Variants in FRMD3 observed in about 807,000 individuals in gnomAD.
The protein encoded by FRMD3 is FERM domain containing 3.
A neutral mutation model predicts 70.2 loss-of-function variants in FRMD3; 33 were observed. The observed-to-expected ratio is 0.47, with a 90% confidence interval of 0.36 to 0.63. The LOEUF is 0.63. Ranked by LOEUF, FRMD3 falls within the 20% of genes least tolerant of loss-of-function variation. The pLI is 0.00. For missense variants in FRMD3, 632 were observed against 711.4 expected (o/e 0.89, Z 1.27); for synonymous variants, 279 against 255.9 (o/e 1.09, Z -0.86).
At chr9:83,343,103 T>G in intron 5 of FRMD3, 87 bp downstream of exon 5, 8 of 929,544 alleles carry the variant, frequency 8.6e-6, no homozygotes, top group Non-Finnish European at 1.4e-5. Flanking sequence ...ACAGGCAGGA[T>G]GGCCACGGGT....
the FRMD3 span, among the ~76,000 whole-genome samples, chr9:83,570,504 T>G: frequency 6.6e-6 from 1 of 152,202 alleles, no homozygotes; most frequent in Non-Finnish European, 1.5e-5. Flanking sequence ...AATAATGCAA[T>G]GAGTACAAAG....
At chr9:83,468,618 C>G (rs1376882667) in intron 1 of FRMD3, among the ~76,000 whole-genome samples, 1 of 152,218 alleles carries the variant, frequency 6.6e-6, no homozygotes, top group Non-Finnish European at 1.5e-5. Flanking sequence ...TCAGCTCTGT[C>G]ACTGGCTATG....
Position 83,245,035 on chromosome 9 carries a change from A to AATT in FRMD3, c.*2880_*2882dup. 1.0e-6 allele frequency: 1 copy of AATT among 985,346 alleles called. No individual in the cohort carries two copies. Among genetic ancestry groups the AATT allele is most frequent in the Non-Finnish European group, 1.2e-6 (1 of 829,868 alleles). The allele number at this position is 985,346 out of a possible 1,614,324, so 61.0% of individuals were successfully genotyped here. The stretch of plus-strand genomic sequence containing the variant: ...TGTACACTCAGTGGCATTTATGGAA[A>AATT]ATTTAACCCTTTCAGGCTGTGGGTT... On this transcript the variant is annotated 3_prime_UTR_variant, in exon 14 of 14. Coordinates refer to ENST00000304195, the MANE Select transcript of FRMD3 (RefSeq NM_174938.6).
intron 1 of FRMD3, among the ~76,000 whole-genome samples, chr9:83,422,845 A>C (rs1587838402): frequency 6.6e-6 from 1 of 152,250 alleles, no homozygotes; most frequent in Non-Finnish European, 1.5e-5. Flanking sequence ...AAAATAAAGG[A>C]GTCTTAAAGT....
chr9:83,262,935 C>T (rs1395494282), intron 13 of FRMD3, among the ~76,000 whole-genome samples: 1 of 152,080 alleles, frequency 6.6e-6, no homozygotes, highest in Non-Finnish European at 1.5e-5. Flanking sequence ...CTCTTGGTCA[C>T]ATTTGGTTTT....
At chr9:83,375,704 C>T (rs1246319328) in intron 2 of FRMD3, among the ~76,000 whole-genome samples, 1 of 152,168 alleles carries the variant, frequency 6.6e-6, no homozygotes, top group Non-Finnish European at 1.5e-5. Context: ...ACAACACACA[C>T]TGGGGCCTAT....
intron 1 of FRMD3, among the ~76,000 whole-genome samples, chr9:83,402,480 GTGGA>G (rs1163328448): frequency 6.6e-6 from 1 of 151,876 alleles, no homozygotes; most frequent in Non-Finnish European, 1.5e-5. Context: ...CTAACCAAGA[GTGGA>G]TGGATGAATA....
intron 1 of FRMD3, among the ~76,000 whole-genome samples, chr9:83,468,367 G>A (rs1389603261): frequency 1.3e-5 from 2 of 152,134 alleles, no homozygotes; most frequent in Non-Finnish European, 2.9e-5. Context: ...CTCAAATTAT[G>A]TTAAATGAAT....
At chr9:83,373,049 C>G in intron 2 of FRMD3, 94 bp from the exon 3 acceptor site, 1 of 1,027,454 alleles carries the variant, frequency 9.7e-7, no homozygotes, top group Non-Finnish European at 1.5e-6. Flanking sequence ...CAAAGTACAG[C>G]CTCGGTTTCC....
intron 3 of FRMD3, among the ~76,000 whole-genome samples, chr9:83,354,835 T>C (rs1564031042): frequency 1.3e-5 from 2 of 151,936 alleles, no homozygotes; most frequent in African/African-American, 2.4e-5. Flanking sequence ...CCTTTTCCCA[T>C]CCCCACTCCA....
At chr9:83,547,452 A>G in the FRMD3 span, among the ~76,000 whole-genome samples, 1 of 151,724 alleles carries the variant, frequency 6.6e-6, no homozygotes. Context: ...CCCTATCATT[A>G]TAAAATAAAG....
intron 1 of FRMD3, among the ~76,000 whole-genome samples, chr9:83,404,665 G>A (rs1290748283): frequency 1.3e-5 from 2 of 152,040 alleles, no homozygotes; most frequent in Non-Finnish European, 2.9e-5. Flanking sequence ...AAACTCAGAC[G>A]TTTTATGTTT....
chr9:83,366,174 C>T (rs367949637), intron 3 of FRMD3, among the ~76,000 whole-genome samples: 1 of 151,638 alleles, frequency 6.6e-6, no homozygotes, highest in African/African-American at 2.4e-5. Flanking sequence ...AAAAGCTCTT[C>T]ATATGGAAGA....
chr9:83,271,347 A>G (rs1462675488), intron 13 of FRMD3, among the ~76,000 whole-genome samples: 2 of 152,204 alleles, frequency 1.3e-5, no homozygotes, highest in African/African-American at 4.8e-5. Flanking sequence ...AGTATCCATT[A>G]AAAAGAGTCC....
At chr9:83,341,396 G>A (rs185657416) in intron 5 of FRMD3, among the ~76,000 whole-genome samples, 2 of 152,228 alleles carry the variant, frequency 1.3e-5, no homozygotes, top group East Asian at 3.9e-4. Flanking sequence ...AGGATGGCGA[G>A]CTTTCCATTA....
chr9:83,474,991 G>C (rs181662500), intron 1 of FRMD3, among the ~76,000 whole-genome samples: 1 of 152,186 alleles, frequency 6.6e-6, no homozygotes, highest in South Asian at 2.1e-4. Flanking sequence ...TAGGGAGATT[G>C]AGTTGAGATT....
rs780681530 is a variant in FRMD3 at position 83,343,207 on chromosome 9, C to G, written c.455G>C (p.Gly152Ala). 2.5e-6 allele frequency: 4 copies of G among 1,613,032 alleles called. No individual in the cohort carries two copies. The East Asian group carries it at 8.9e-5, about 36-fold the overall frequency. Residue 152 changes from glycine (G) to alanine (A), a missense_variant, in exon 5 of 14, where the codon GGT (glycine) becomes GCT (alanine). Physicochemically the swap from Gly to Ala is moderately conservative, Grantham distance 60. Around this residue, in one of 3 missense-constraint regions of FRMD3, gnomAD observed 208 missense variants for 247.7 expected, o/e 0.84. Coordinates refer to ENST00000304195, the MANE Select transcript of FRMD3 (RefSeq NM_174938.6). ...AGACTTACCTTGAACAATACAGGCA[C>G]CCAGGTAGGCAGCATCAGAAAAGGA... ...LCSFSDAAYL[G>A]ACIVQAELGD...
chr9:83,522,566 A>ATTTTTT (rs370993005), intron 1 of FRMD3, among the ~76,000 whole-genome samples: 3 of 138,850 alleles, frequency 2.2e-5, no homozygotes, highest in African/African-American at 8.0e-5. Flanking sequence ...TATATATATA[A>ATTTTTT]TTTTTTTTTT....
chr9:83,572,353 A>G, the FRMD3 span, among the ~76,000 whole-genome samples: 1 of 152,222 alleles, frequency 6.6e-6, no homozygotes, highest in African/African-American at 2.4e-5. Flanking sequence ...GAGAAAGGAC[A>G]GGCCTGAAAG....
Sources: allele counts gnomAD v4.1 joint callset (sites outside exome capture counted in the v4.1 genomes callset), GRCh38; gene constraint gnomAD v4.1.1; regional missense constraint gnomAD v4.1.1; transcripts MANE v1.5; gene names NCBI Gene and HGNC (gene_info 2026-07-23, HGNC 2026-07-21).